Variants in SLC4A5 observed in about 807,000 individuals in gnomAD.
SLC4A5 encodes the protein solute carrier family 4 member 5, also known as electrogenic sodium bicarbonate cotransporter 4.
Under a neutral mutation model 120.4 loss-of-function variants are expected in SLC4A5, and 96 were observed. The ratio of observed to expected loss-of-function variants is 0.80; its 90% confidence interval spans 0.68 to 0.94. SLC4A5 has a LOEUF of 0.94. Among genes scored for constraint, SLC4A5 ranks in the 40% least tolerant of loss-of-function variants. The pLI is 0.00. For synonymous variants in SLC4A5, 550 were observed against 571.1 expected, an observed-to-expected ratio of 0.96 and a Z score of 0.53; for missense variants, 1,259 against 1,459.5, an observed-to-expected ratio of 0.86 and a Z score of 2.24.
At chr2:74,251,610 A>C (rs1183588646) in intron 16 of SLC4A5, among the ~76,000 whole-genome samples, 1 of 152,262 alleles carries the variant, frequency 6.6e-6, no homozygotes, top group Non-Finnish European at 1.5e-5. Flanking sequence ...AGATTAAGTC[A>C]TTATGGTGGG....
intron 8 of SLC4A5, among the ~76,000 whole-genome samples, chr2:74,272,365 C>T (rs1031760120): frequency 1.3e-5 from 2 of 152,134 alleles, no homozygotes; most frequent in African/African-American, 4.8e-5. Flanking sequence ...AAAGGAATGG[C>T]CTCTGTAAAA....
chr2:74,244,560 CTCT>C (rs373240865), intron 19 of SLC4A5, among the ~76,000 whole-genome samples: 4,465 of 150,378 alleles, frequency 0.03, 96 homozygotes, highest in Non-Finnish European at 0.047. Context: ...CTTCTCTTCT[CTCT>C]TCTTCTTCTT....
intron 8 of SLC4A5, among the ~76,000 whole-genome samples, chr2:74,273,016 G>C (rs546321233): frequency 6.6e-6 from 1 of 152,270 alleles, no homozygotes; most frequent in East Asian, 1.9e-4. Flanking sequence ...GTTTTCAATG[G>C]CTGCATTAGG....
At chr2:74,332,769 A>G (rs1249480760) in intron 4 of SLC4A5, among the ~76,000 whole-genome samples, 1 of 151,808 alleles carries the variant, frequency 6.6e-6, no homozygotes, top group East Asian at 1.9e-4. Flanking sequence ...GAGAGAGATG[A>G]GGAGGGAGAG....
intron 8 of SLC4A5, among the ~76,000 whole-genome samples, chr2:74,270,244 T>C (rs1414077378): frequency 6.6e-6 from 1 of 152,218 alleles, no homozygotes; most frequent in Non-Finnish European, 1.5e-5. Flanking sequence ...TAATTTTGTG[T>C]TTTCAATGGC....
At chr2:74,305,862 T>C (rs1297891546) in intron 6 of SLC4A5, among the ~76,000 whole-genome samples, 4 of 151,854 alleles carry the variant, frequency 2.6e-5, no homozygotes, top group Admixed American at 6.6e-5. Flanking sequence ...GTAGCTGGGA[T>C]TACAGGCACG....
rs1288334038 is a variant in SLC4A5, at chr2:74,259,123, C to T, written c.867+465G>A. Among the ~76,000 whole-genome samples, 3 of 152,166 alleles carry T rather than the reference C, an allele frequency of 2.0e-5. No homozygotes were observed. The East Asian group carries it at 5.8e-4, about 29-fold the overall frequency. ...TCTGATCTCATCACGAGGGTTTCAG[C>T]CCAGTTCATGGGAGACCACAGGAAG... On this transcript the variant is annotated intron_variant, in intron 12 of 30. Coordinates refer to ENST00000394019, the Ensembl canonical transcript of SLC4A5.
chr2:74,285,206 C>T (rs1177396405), intron 8 of SLC4A5, among the ~76,000 whole-genome samples: 1 of 152,090 alleles, frequency 6.6e-6, no homozygotes, highest in Non-Finnish European at 1.5e-5. Flanking sequence ...CTATGATTAC[C>T]CTACTGCACT....
At chr2:74,308,921 T>A (rs1362215798) in intron 6 of SLC4A5, among the ~76,000 whole-genome samples, 2 of 151,756 alleles carry the variant, frequency 1.3e-5, no homozygotes, top group Non-Finnish European at 2.9e-5. Flanking sequence ...TGTCTGAATT[T>A]TTTTTTTTTT....
chr2:74,340,955 C>T (rs1673609767), intron 2 of SLC4A5, among the ~76,000 whole-genome samples: 1 of 152,180 alleles, frequency 6.6e-6, no homozygotes, highest in African/African-American at 2.4e-5. Flanking sequence ...CTGGAACAAC[C>T]TTGTGACTTG....
chr2:74,323,724 A>G (rs1041639060), intron 5 of SLC4A5, among the ~76,000 whole-genome samples: 4 of 152,258 alleles, frequency 2.6e-5, no homozygotes, highest in Non-Finnish European at 5.9e-5. Flanking sequence ...AAATGTGATC[A>G]TGGCATGTAA....
Position 74,233,611 on chromosome 2 carries a change from C to A in SLC4A5, c.2434-48G>T, listed in dbSNP as rs201156505. On this transcript the variant is annotated intron_variant, in intron 22 of 30. Coordinates refer to ENST00000394019, the Ensembl canonical transcript of SLC4A5. ...GGGCCCTTTCCTCTCTCCCTTGTCCCAGGGCACTTGTCGCCTGGCCTGCTG... is the reference window on the plus strand; with the variant it reads ...GGGCCCTTTCCTCTCTCCCTTGTCCAAGGGCACTTGTCGCCTGGCCTGCTG... 3.9e-6 allele frequency: 6 copies of A among 1,548,842 alleles called. No individual in the cohort carries two copies. In the African/African-American group the frequency reaches 8.2e-5, roughly 21 times the overall value.
chr2:74,242,174 C>A, intron 19 of SLC4A5, 122 bp from the exon 20 acceptor site: 1 of 790,850 alleles, frequency 1.3e-6, no homozygotes, highest in Non-Finnish European at 2.0e-6. Context: ...ATTGTGAGGG[C>A]AGCTCCCTCT....
At chr2:74,259,715 C>T (rs898768849) in intron 11 of SLC4A5, 72 bp from the exon 12 acceptor site, 7 of 1,407,164 alleles carry the variant, frequency 5.0e-6, no homozygotes, top group Non-Finnish European at 7.1e-6. Flanking sequence ...ATGGGCCCTA[C>T]TCATGTACCT....
chr2:74,274,216 T>C (rs1198201713), intron 8 of SLC4A5, among the ~76,000 whole-genome samples: 1 of 152,174 alleles, frequency 6.6e-6, no homozygotes, highest in African/African-American at 2.4e-5. Flanking sequence ...GGCAGGAGAA[T>C]CACTTGAGCC....
chr2:74,248,207 G>T, intron 18 of SLC4A5, 146 bp downstream of exon 18: 2 of 1,116,690 alleles, frequency 1.8e-6, no homozygotes, highest in Non-Finnish European at 2.5e-6. Flanking sequence ...GTCAGGAGGG[G>T]CCACCTGGTA....
At chr2:74,259,983 G>C (rs1328441429) in intron 11 of SLC4A5, among the ~76,000 whole-genome samples, 2 of 152,220 alleles carry the variant, frequency 1.3e-5, no homozygotes, top group East Asian at 1.9e-4. Context: ...GAGGGACACA[G>C]ACGCATTATT....
At chr2:74,331,523 G>A (rs1056294457) in intron 4 of SLC4A5, among the ~76,000 whole-genome samples, 4 of 151,852 alleles carry the variant, frequency 2.6e-5, no homozygotes, top group African/African-American at 4.8e-5. Flanking sequence ...GATAAATGTG[G>A]AAGAACCTGT....
exon 19 of SLC4A5, chr2:74,247,238 G>A: frequency 6.2e-7 from 1 of 1,614,230 alleles, no homozygotes; most frequent in Admixed American, 1.7e-5. Context: ...TGGCCACTAG[G>A]ATAAGGCACT....
Sources: allele counts gnomAD v4.1 joint callset (sites outside exome capture counted in the v4.1 genomes callset), GRCh38; gene constraint gnomAD v4.1.1; transcripts MANE v1.5; gene names NCBI Gene and HGNC (gene_info 2026-07-23, HGNC 2026-07-21).